The following NETO2 variants were observed in gnomAD, a reference collection of about 807,000 sequenced individuals.
NETO2 encodes neuropilin and tolloid like 2.
In NETO2, 28 loss-of-function variants were observed where a neutral mutation model predicts 62.5. That is an observed-to-expected ratio of 0.45 (90% CI 0.33 to 0.61). The LOEUF (loss-of-function observed/expected upper bound fraction) is 0.61, where lower values mean the gene tolerates loss of function less well. Ranked by LOEUF, NETO2 falls within the 20% of genes least tolerant of loss-of-function variation. The pLI is 0.02. For synonymous variants in NETO2, 214 were observed against 219.1 expected (o/e 0.98, Z 0.21); for missense variants, 548 against 643.2 (o/e 0.85, Z 1.60).
At chr16:47,137,562 T>G (rs1040767277) in intron 1 of NETO2, among the ~76,000 whole-genome samples, 2 of 152,188 alleles carry the variant, frequency 1.3e-5, no homozygotes, top group Non-Finnish European at 2.9e-5. Flanking sequence ...CTACTATCTA[T>G]TCTTATAAGG....
intron 6 of NETO2, among the ~76,000 whole-genome samples, chr16:47,120,395 T>C (rs1964011774): frequency 6.6e-6 from 1 of 152,228 alleles, no homozygotes; most frequent in South Asian, 2.1e-4. Context: ...GGGTATATAA[T>C]AGCTATATGT....
In NETO2 at chr16:47,083,664, C is replaced by T; in HGVS notation, c.1135G>A (p.Ala379Thr). The T allele has an allele frequency of 1.9e-6, 3 of 1,614,134 alleles. No homozygotes were observed. The highest frequency in any genetic ancestry group is 1.7e-6 in the Non-Finnish European group (2 of 1,180,022). Residue 379 changes from alanine (A) to threonine (T), a missense_variant, in exon 9 of 9, where the codon GCT becomes ACT. Coordinates refer to ENST00000562435, the MANE Select transcript of NETO2 (RefSeq NM_018092.5). ...QVKQPRKKVM[A>T]CKTAFNKTGF... Reference sequence around the variant, plus strand: ...GTTTTATTAAAAGCGGTTTTGCAAGCCATGACCTTTTTTCGAGGCTGTTTC... The same window carrying T: ...GTTTTATTAAAAGCGGTTTTGCAAGTCATGACCTTTTTTCGAGGCTGTTTC...
chr16:47,120,112 C>T (rs1318212248), intron 6 of NETO2, among the ~76,000 whole-genome samples: 2 of 152,154 alleles, frequency 1.3e-5, no homozygotes, highest in Admixed American at 1.3e-4. Flanking sequence ...TTTTCCTTGA[C>T]AATCAACAAC....
intron 7 of NETO2, among the ~76,000 whole-genome samples, chr16:47,096,622 T>TA (rs1301650640): frequency 6.6e-6 from 1 of 152,022 alleles, no homozygotes; most frequent in African/African-American, 2.4e-5. Flanking sequence ...GGCCTAAAAC[T>TA]AGCAAGGAGA....
chr16:47,143,678 G>A lies in NETO2; in HGVS notation c.-66C>T. On this transcript the variant is annotated 5_prime_UTR_variant, in exon 1 of 9. Coordinates refer to ENST00000562435, the MANE Select transcript of NETO2 (RefSeq NM_018092.5). Reference sequence around the variant, plus strand: ...CGGCGGCGGTGGCTCGGCGCTCACGGCTCGGCGCGGCGGCGACGGCCCCAC... The same window carrying A: ...CGGCGGCGGTGGCTCGGCGCTCACGACTCGGCGCGGCGGCGACGGCCCCAC... The A allele has an allele frequency of 2.5e-6, 3 of 1,215,448 alleles. No homozygotes were observed. The highest frequency in any genetic ancestry group is 3.1e-6 in the Non-Finnish European group (3 of 976,538). The allele number at this position is 1,215,448 out of a possible 1,614,324, so 75.3% of individuals were successfully genotyped here.
intron 2 of NETO2, among the ~76,000 whole-genome samples, chr16:47,130,706 A>G (rs1964248173): frequency 6.6e-6 from 1 of 152,202 alleles, no homozygotes; most frequent in African/African-American, 2.4e-5. Flanking sequence ...AGTTCAGCAA[A>G]CTATGACCCT....
rs1048514414 is a variant in NETO2 at position 47,143,591 on chromosome 16, A to T, written c.22T>A (p.Ser8Thr). MALERLCSVLKVLLITVL... is the reference protein window; with the variant it reads MALERLCTVLKVLLITVL... ...CCCCGGTCCTTACCTTTGAGGACCG[A>T]GCAGAGCCGCTCCAGGGCCATGTTC... The change falls in exon 1 of 9, where the codon TCG becomes ACG. Residue 8 changes from serine (S) to threonine (T), a missense_variant. Transcript: ENST00000562435. 8.2e-7 allele frequency: 1 copy of T among 1,222,962 alleles called. No homozygotes were observed. The highest frequency in any genetic ancestry group is 1.0e-6 in the Non-Finnish European group (1 of 978,128). 75.8% of individuals were successfully genotyped at this position (1,222,962 alleles called of 1,614,324 possible).
intron 4 of NETO2, among the ~76,000 whole-genome samples, chr16:47,126,865 A>C (rs1414690898): frequency 2.6e-5 from 4 of 152,230 alleles, no homozygotes; most frequent in African/African-American, 9.6e-5. Context: ...GAATATAGAA[A>C]AAAATTTTTA....
At chr16:47,133,641 TAAAATA>T (rs1281155609) in intron 1 of NETO2, among the ~76,000 whole-genome samples, 1 of 148,546 alleles carries the variant, frequency 6.7e-6, no homozygotes, top group Non-Finnish European at 1.5e-5. Flanking sequence ...TAAAATAAAA[TAAAATA>T]AAATAAAATA....
chr16:47,104,761 C>A (rs938566142), intron 7 of NETO2, among the ~76,000 whole-genome samples: 1 of 152,156 alleles, frequency 6.6e-6, no homozygotes, highest in Non-Finnish European at 1.5e-5. Flanking sequence ...GCTCTGTTGC[C>A]CAGGCTGGAG....
intron 6 of NETO2, among the ~76,000 whole-genome samples, chr16:47,110,767 G>A (rs892984000): frequency 6.6e-5 from 10 of 151,808 alleles, no homozygotes; most frequent in African/African-American, 2.4e-4. Flanking sequence ...CCTTTAATTC[G>A]AAGAGATTAA....
At chr16:47,119,510 T>C (rs917141444) in intron 6 of NETO2, among the ~76,000 whole-genome samples, 1 of 152,090 alleles carries the variant, frequency 6.6e-6, no homozygotes, top group Non-Finnish European at 1.5e-5. Context: ...TGTTACCTTT[T>C]ACAAAGAGCC....
At chr16:47,122,838 C>T (rs761313329) in intron 5 of NETO2, 30 bp downstream of exon 5, 1 of 1,613,534 alleles carries the variant, frequency 6.2e-7, no homozygotes, top group East Asian at 2.2e-5. Flanking sequence ...ATCAAAAATG[C>T]CAAGAGGAAC....
In NETO2 at chr16:47,080,986, A is replaced by G. The variant is rs1963051283; in HGVS notation, c.*2235T>C. The stretch of plus-strand genomic sequence containing the variant: ...AATGTTACTTGCTACATTGACTCGT[A>G]TAAAACTGTGTACTTCTATTTTACT... On this transcript the variant is annotated 3_prime_UTR_variant, in exon 9 of 9. Transcript: ENST00000562435. 1 of 148,006 alleles carries G rather than the reference A, an allele frequency of 6.8e-6. No individual in the cohort carries two copies. The highest frequency in any genetic ancestry group is 1.5e-5 in the Non-Finnish European group (1 of 67,938). The allele number at this position is 148,006 out of a possible 1,614,324, so 9.2% of individuals were successfully genotyped here.
chr16:47,126,829 C>T (rs868740382), intron 4 of NETO2, among the ~76,000 whole-genome samples: 2 of 151,996 alleles, frequency 1.3e-5, no homozygotes, highest in African/African-American at 2.4e-5. Flanking sequence ...TGGTATTGTG[C>T]AAATAAATAC....
intron 7 of NETO2, among the ~76,000 whole-genome samples, chr16:47,096,926 C>G (rs926919984): frequency 5.3e-5 from 8 of 152,172 alleles, no homozygotes; most frequent in Non-Finnish European, 1.2e-4. Context: ...ACTTGGGAAG[C>G]TCAAGGGGTC....
chr16:47,117,550 C>G (rs915291122), intron 6 of NETO2, among the ~76,000 whole-genome samples: 2 of 152,148 alleles, frequency 1.3e-5, no homozygotes, highest in Admixed American at 6.5e-5. Flanking sequence ...TGTTTTCAAT[C>G]TTTTCCCCTC....
intron 1 of NETO2, among the ~76,000 whole-genome samples, chr16:47,139,028 T>G (rs976157459): frequency 6.6e-6 from 1 of 152,184 alleles, no homozygotes; most frequent in Non-Finnish European, 1.5e-5. Context: ...TCTCCTTCAT[T>G]TTGCTTTACT....
At chr16:47,104,682 T>C (rs751934916) in intron 7 of NETO2, among the ~76,000 whole-genome samples, 4 of 152,156 alleles carry the variant, frequency 2.6e-5, no homozygotes, top group Non-Finnish European at 5.9e-5. Flanking sequence ...AACAGACATA[T>C]AGACCAATGG....
Sources: gnomAD v4.1 joint callset for allele counts (sites outside exome capture counted in the v4.1 genomes callset) on GRCh38, gnomAD v4.1.1 for gene constraint, MANE v1.5 for transcripts, NCBI Gene and HGNC (gene_info 2026-07-23, HGNC 2026-07-21) for gene names.